Variants in ZNF423 observed in about 807,000 individuals in gnomAD.
ZNF423 encodes zinc finger protein 423, also known as Ebf-associated zinc finger protein.
A neutral mutation model predicts 95.8 loss-of-function variants in ZNF423; 12 were observed. That is an observed-to-expected ratio of 0.13 (90% CI 0.08 to 0.20). ZNF423 has a LOEUF of 0.20. Among genes scored for constraint, ZNF423 ranks in the 10% least tolerant of loss-of-function variants. ZNF423 has a pLI of 1.00. For synonymous variants in ZNF423, 749 were observed against 711.9 expected (o/e 1.05, Z -0.83); for missense variants, 1,316 against 1,737.1 (o/e 0.76, Z 4.31).
At chr16:49,734,004 T>A (rs746743249) in intron 2 of ZNF423, among the ~76,000 whole-genome samples, 2 of 152,242 alleles carry the variant, frequency 1.3e-5, no homozygotes, top group Non-Finnish European at 2.9e-5. Context: ...CAGGATCGAA[T>A]CTACACGTTC....
At chr16:49,836,756 C>G (rs2035124519) in intron 1 of ZNF423, among the ~76,000 whole-genome samples, 1 of 152,126 alleles carries the variant, frequency 6.6e-6, no homozygotes, top group South Asian at 2.1e-4. Flanking sequence ...TCCTGATGCT[C>G]CTTCTCCCCC....
At chr16:49,835,005 C>T (rs910522360) in intron 1 of ZNF423, among the ~76,000 whole-genome samples, 8 of 152,026 alleles carry the variant, frequency 5.3e-5, no homozygotes, top group African/African-American at 1.7e-4. Context: ...CAGGGCTGAG[C>T]GGCAGAGGGG....
chr16:49,627,755 TA>T (rs1313017938), intron 4 of ZNF423, among the ~76,000 whole-genome samples: 2 of 136,236 alleles, frequency 1.5e-5, no homozygotes, highest in African/African-American at 2.8e-5. Flanking sequence ...TCCATCTACA[TA>T]AACACCCACC....
intron 5 of ZNF423, among the ~76,000 whole-genome samples, chr16:49,569,236 C>T (rs1157393356): frequency 6.6e-6 from 1 of 152,226 alleles, no homozygotes; most frequent in Admixed American, 6.5e-5. Context: ...CCTGTCCTAT[C>T]ACCTCACTCA....
At chr16:49,632,504 A>G (rs2151875722) in intron 4 of ZNF423, among the ~76,000 whole-genome samples, 1 of 152,230 alleles carries the variant, frequency 6.6e-6, no homozygotes, top group Admixed American at 6.5e-5. Context: ...CCAGGCCTCC[A>G]GGCAGGCAGA....
intron 5 of ZNF423, among the ~76,000 whole-genome samples, chr16:49,624,630 A>G (rs112656115): frequency 6.6e-6 from 1 of 152,240 alleles, no homozygotes; most frequent in Admixed American, 6.5e-5. Context: ...TGGGCCCATC[A>G]AGAATCAAAC....
chr16:49,750,729 T>A (rs1048937340), intron 2 of ZNF423, among the ~76,000 whole-genome samples: 1 of 152,102 alleles, frequency 6.6e-6, no homozygotes, highest in Non-Finnish European at 1.5e-5. Context: ...AGAAATAAAA[T>A]CATTGCTGTG....
rs1362265302 is a variant in ZNF423 at position 49,730,806 on chromosome 16, T to A, written c.266A>T (p.Asp89Val). Residue 89 changes from aspartate to valine, a missense_variant, in exon 3 of 8, where the codon GAC becomes GTC. Asp to Val is a radical substitution (Grantham distance 152). This residue lies in a region of ZNF423 where 155 missense variants were observed against 170.8 expected (regional missense o/e 0.91). Coordinates refer to ENST00000563137, the MANE Select transcript of ZNF423 (RefSeq NM_001379286.1). Reference protein sequence around the residue: ...HCQQDFESLADLTDHRAHRCP... With the variant: ...HCQQDFESLAVLTDHRAHRCP... The stretch of plus-strand genomic sequence containing the variant: ...GCGGTGGGCCCGGTGGTCCGTCAGG[T>A]CTGCCAGAGACTCGAAGTCCTGCTG... The A allele has an allele frequency of 2.7e-5, 44 of 1,614,012 alleles. No homozygotes were observed. Among genetic ancestry groups the A allele is most frequent in the Non-Finnish European group, 3.7e-5 (44 of 1,180,026 alleles).
At chr16:49,790,205 T>C (rs2034389446) in intron 1 of ZNF423, among the ~76,000 whole-genome samples, 1 of 152,254 alleles carries the variant, frequency 6.6e-6, no homozygotes, top group Non-Finnish European at 1.5e-5. Flanking sequence ...AGCTGGGTTA[T>C]GGACTTTGTA....
intron 1 of ZNF423, among the ~76,000 whole-genome samples, chr16:49,842,339 A>AG (rs2144097604): frequency 1.0e-5 from 1 of 98,640 alleles, no homozygotes; most frequent in African/African-American, 4.0e-5. Context: ...AAGGGAAGGG[A>AG]AGGGAAGGGA....
At chr16:49,709,500 C>T (rs993618418) in intron 3 of ZNF423, among the ~76,000 whole-genome samples, 1 of 152,108 alleles carries the variant, frequency 6.6e-6, no homozygotes, top group African/African-American at 2.4e-5. Context: ...CCATGGTCCC[C>T]GCCCTCAACA....
chr16:49,657,348 C>T (rs979606295), intron 3 of ZNF423, among the ~76,000 whole-genome samples: 1 of 152,226 alleles, frequency 6.6e-6, no homozygotes, highest in Middle Eastern at 3.2e-3. Flanking sequence ...CCTCCAGCAG[C>T]TCCAGGAGAC....
chr16:49,509,216 C>G (rs1967781100), intron 7 of ZNF423, among the ~76,000 whole-genome samples: 1 of 152,160 alleles, frequency 6.6e-6, no homozygotes, highest in Non-Finnish European at 1.5e-5. Context: ...GGATGACTAC[C>G]TCCTTCCCTC....
chr16:49,680,407 A>G (rs995623076), intron 3 of ZNF423, among the ~76,000 whole-genome samples: 1 of 152,250 alleles, frequency 6.6e-6, no homozygotes, highest in African/African-American at 2.4e-5. Flanking sequence ...GCTGAATGGC[A>G]GGACGGAAAG....
At chr16:49,551,237 A>C (rs934573692) in intron 5 of ZNF423, among the ~76,000 whole-genome samples, 1 of 152,232 alleles carries the variant, frequency 6.6e-6, no homozygotes, top group Non-Finnish European at 1.5e-5. Flanking sequence ...TTTCTTGGCT[A>C]TTTTAATTTT....
chr16:49,687,534 A>G (rs2031611749), intron 3 of ZNF423, among the ~76,000 whole-genome samples: 1 of 152,164 alleles, frequency 6.6e-6, no homozygotes, highest in Non-Finnish European at 1.5e-5. Flanking sequence ...CCCACCTCCG[A>G]CTCTAGAATC....
Position 49,638,721 on chromosome 16 carries a change from T to C in ZNF423, c.455A>G (p.Asp152Gly). ...TGLPYPCQFC[D>G]KSFIRLSYLK... ...GTAGCTCAAGCGGATGAAGGACTTG[T>C]CGCAGAACTGGCAAGGGTATGGCAG... is the stretch of plus-strand genomic sequence containing the variant. Residue 152 changes from aspartate (D) to glycine (G), a missense_variant, in exon 4 of 8, where the codon GAC (aspartate) becomes GGC (glycine). Asp to Gly is a moderately conservative substitution (Grantham distance 94). Coordinates refer to ENST00000563137, the MANE Select transcript of ZNF423 (RefSeq NM_001379286.1). This position sits in a 1 kb window ranked among gnomAD's most constrained non-coding sequence, Gnocchi z 5.6. 2 of 1,614,170 alleles carry C rather than the reference T, an allele frequency of 1.2e-6. No homozygotes were observed. The highest frequency in any genetic ancestry group is 1.1e-5 in the South Asian group (1 of 91,074).
intron 3 of ZNF423, among the ~76,000 whole-genome samples, chr16:49,704,599 T>G (rs888045079): frequency 2.6e-5 from 4 of 152,130 alleles, no homozygotes; most frequent in Admixed American, 2.0e-4. Flanking sequence ...CAGTGAACAT[T>G]TGCTTACTCC....
At chr16:49,844,258 G>T (rs1254646182) in intron 1 of ZNF423, among the ~76,000 whole-genome samples, 1 of 152,044 alleles carries the variant, frequency 6.6e-6, no homozygotes, top group Non-Finnish European at 1.5e-5. Context: ...CTCCAGCCTG[G>T]GTAGCAGAGC....
Sources: allele counts gnomAD v4.1 joint callset (sites outside exome capture counted in the v4.1 genomes callset), GRCh38; gene constraint gnomAD v4.1.1; regional missense constraint gnomAD v4.1.1; non-coding constraint Gnocchi (gnomAD v3.1); transcripts MANE v1.5; gene names NCBI Gene and HGNC (gene_info 2026-07-23, HGNC 2026-07-21).